Variants in PLCH2 observed in about 807,000 individuals in gnomAD.
The protein encoded by PLCH2 is 1-phosphatidylinositol 4,5-bisphosphate phosphodiesterase eta-2.
Under a neutral mutation model 134.7 loss-of-function variants are expected in PLCH2, and 98 were observed. The ratio of observed to expected loss-of-function variants is 0.73; its 90% CI spans 0.62 to 0.86. The LOEUF (loss-of-function observed/expected upper bound fraction) is 0.86. PLCH2 is among the 40% of genes least tolerant of loss of function. The pLI is 0.00. For missense variants in PLCH2, 1,994 were observed against 1,986.6 expected, an observed-to-expected ratio of 1.00 and a Z score of -0.07; for synonymous variants, 974 against 827.5, an observed-to-expected ratio of 1.18 and a Z score of -3.04.
intron 1 of PLCH2, among the ~76,000 whole-genome samples, chr1:2,478,104 C>T (rs1181123605): frequency 1.3e-5 from 2 of 152,220 alleles, no homozygotes; most frequent in Admixed American, 6.5e-5. Context: ...GCTCTCGGGG[C>T]CCCAGGCCCA....
upstream of PLCH2, among the ~76,000 whole-genome samples, chr1:2,464,064 G>A (rs1640946348): frequency 6.6e-6 from 1 of 152,254 alleles, no homozygotes; most frequent in Non-Finnish European, 1.5e-5. Context: ...CTGTGCGGTG[G>A]GATCGCTCGG....
Position 2,490,419 on chromosome 1 carries a change from C to T in PLCH2, c.1515+552C>T, listed in dbSNP as rs112280535. 8.3e-3 allele frequency among the ~76,000 whole-genome samples: 1,268 copies of T among 152,252 alleles called. 23 individuals are homozygous for T. The highest frequency in any genetic ancestry group is 0.028 in the African/African-American group (1,150 of 41,542). ...CCACAGAGCGCTGTCACTGTGTCCCCGCCAGGGCCAGGGTGGGGGGCTGCA... is the reference window on the plus strand; with the variant it reads ...CCACAGAGCGCTGTCACTGTGTCCCTGCCAGGGCCAGGGTGGGGGGCTGCA... On this transcript the variant is annotated intron_variant, in intron 10 of 21. Coordinates refer to ENST00000378486, the MANE Select transcript of PLCH2 (RefSeq NM_014638.4).
Position 2,499,209 on chromosome 1 carries a change from G to A in PLCH2, c.2560G>A (p.Ala854Thr), listed in dbSNP as rs1207632834. ...TGACTTCATTGGCCAGAGGACGCTG[G>A]CCTTCAGCAGCATGATGCCAGGTGG... is the stretch of plus-strand genomic sequence containing the variant. Reference protein sequence around the residue: ...GRDFIGQRTLAFSSMMPGYRH... With the variant: ...GRDFIGQRTLTFSSMMPGYRH... Residue 854 changes from alanine (A) to threonine (T), a missense_variant, in exon 19 of 22, where the codon GCC becomes ACC. Physicochemically the swap from Ala to Thr is moderately conservative, Grantham distance 58. Around this residue, in one of 2 missense-constraint regions of PLCH2, gnomAD observed 1,094 missense variants for 1,234.3 expected, o/e 0.89. Coordinates refer to ENST00000378486, the MANE Select transcript of PLCH2 (RefSeq NM_014638.4). 6.2e-7 allele frequency: 1 copy of A among 1,612,978 alleles called. No individual in the cohort carries two copies. The highest frequency in any genetic ancestry group is 8.5e-7 in the Non-Finnish European group (1 of 1,179,788).
At position 2,504,984 on chromosome 1, in the gene PLCH2, G is replaced by A. The variant is rs367668864; in HGVS notation, c.4022G>A (p.Arg1341His). The change falls in exon 22 of 22, where the codon CGC (arginine) becomes CAC (histidine). Residue 1341 changes from arginine to histidine, a missense_variant. Arg to His is a conservative substitution (Grantham distance 29). This residue lies in a region of PLCH2 where 900 missense variants were observed against 752.3 expected (regional missense o/e 1.20). Coordinates refer to ENST00000378486, the MANE Select transcript of PLCH2 (RefSeq NM_014638.4). ...GGTTTTGTGCGGCGCTCCTCCTCCC[G>A]CAGCCACAGCCGCGTGCGTGCCATT... ...GPGFVRRSSS[R>H]SHSRVRAIAS... The A allele has an allele frequency of 1.9e-5, 29 of 1,547,580 alleles. No individual in the cohort carries two copies. The African/African-American group carries it at 2.7e-4, about 15-fold the overall frequency.
At chr1:2,440,808 G>A (rs1639657531) in intron 2 of PLCH2, among the ~76,000 whole-genome samples, 1 of 152,254 alleles carries the variant, frequency 6.6e-6, no homozygotes, top group African/African-American at 2.4e-5. Context: ...CTTCGTGCAG[G>A]AGGCCAGGTT....
In PLCH2 at chr1:2,504,550, T is replaced by C. The variant is rs201365108; in HGVS notation, c.3588T>C (p.Pro1196=). The change falls in exon 22 of 22, where the codon CCT becomes CCC. Residue 1196 remains proline (P), a synonymous_variant. Coordinates refer to ENST00000378486, the MANE Select transcript of PLCH2 (RefSeq NM_014638.4). ...SASAARPDLP[P]VTKSKSNPNL... is the part of the protein sequence containing the mutation. Reference sequence around the variant, plus strand: ...CGGCTGCCCGCCCAGACCTGCCACCTGTGACCAAGAGCAAATCCAACCCCA... The same window carrying C: ...CGGCTGCCCGCCCAGACCTGCCACCCGTGACCAAGAGCAAATCCAACCCCA... 491 of 1,612,632 alleles carry C rather than the reference T, an allele frequency of 3.0e-4. 2 individuals carry two copies. The highest frequency in any genetic ancestry group is 7.3e-5 in the Non-Finnish European group (86 of 1,179,782).
Position 2,450,683 on chromosome 1 carries a change from TCTCCCCGCCTGCCCCCCCG to T in PLCH2, c.115+20072_115+20090del, listed in dbSNP as rs1640171891. ...CCCCCCTGCTCCCCGCCTACCCCCC[TCTCCCCGCCTGCCCCCCCG>T]CTCCCCGCCTGCCCCCCGCTCCCCG... On this transcript the variant is annotated intron_variant, in intron 2 of 3. Transcript: ENST00000609981. 3.5e-4 allele frequency among the ~76,000 whole-genome samples: 3 copies of T among 8,474 alleles called. 1 individual carries two copies. The highest frequency in any genetic ancestry group is 3.7e-3 in the East Asian group (1 of 270). The allele number at this position is 8,474 out of a possible 152,430, so 5.6% of individuals were successfully genotyped here. A position where few individuals can be genotyped will look rare whatever the true frequency, so the allele number is the denominator to read the frequency against.
At chr1:2,442,628 A>G (rs1639743654) in intron 2 of PLCH2, among the ~76,000 whole-genome samples, 1 of 152,196 alleles carries the variant, frequency 6.6e-6, no homozygotes, top group Non-Finnish European at 1.5e-5. Flanking sequence ...GACCCAAAGA[A>G]CAAAGTCCAG....
rs1231393639 is a variant in PLCH2 at position 2,499,140 on chromosome 1, G to A, written c.2491G>A (p.Ala831Thr). Residue 831 changes from alanine (A) to threonine (T), a missense_variant, in exon 19 of 22, where the codon GCG (alanine) becomes ACG (threonine). By Grantham distance (58) the Ala-to-Thr change is moderately conservative (BLOSUM62 0). This residue lies in a region of PLCH2 where 1,094 missense variants were observed against 1,234.3 expected (regional missense o/e 0.89). Transcript: ENST00000378486. The part of the protein sequence containing the change: ...LVFMVHMPEI[A>T]LVRFLVWDHD... Reference sequence around the variant, plus strand: ...TTTCATGGTGCACATGCCGGAGATCGCGCTGGTCCGCTTCCTCGTCTGGGA... The same window carrying A: ...TTTCATGGTGCACATGCCGGAGATCACGCTGGTCCGCTTCCTCGTCTGGGA... 3 of 1,612,986 alleles carry A rather than the reference G, an allele frequency of 1.9e-6. No individual in the cohort carries two copies. The highest frequency in any genetic ancestry group is 1.1e-5 in the South Asian group (1 of 90,954).
chr1:2,424,440 G>T (rs891612462), upstream of PLCH2, among the ~76,000 whole-genome samples: 2 of 152,184 alleles, frequency 1.3e-5, no homozygotes, highest in Non-Finnish European at 2.9e-5. Flanking sequence ...AGGTGTTTTA[G>T]ATTCTACATA....
chr1:2,486,540 G>A (rs553659028), intron 5 of PLCH2, among the ~76,000 whole-genome samples: 1 of 152,230 alleles, frequency 6.6e-6, no homozygotes, highest in East Asian at 1.9e-4. Context: ...TGGATGAGGG[G>A]GCTGCCTGTG....
In PLCH2 at chr1:2,503,922, A is replaced by G; in HGVS notation, c.2960A>G (p.Asp987Gly). 1.2e-6 allele frequency: 1 copy of G among 812,292 alleles called. No individual in the cohort carries two copies. Among genetic ancestry groups the G allele is most frequent in the Non-Finnish European group, 1.9e-6 (1 of 523,838 alleles). The allele number at this position is 812,292 out of a possible 1,614,324, so 50.3% of individuals were successfully genotyped here. A position where few individuals can be genotyped will look rare whatever the true frequency, so the allele number is the denominator to read the frequency against. ...QEGPGSGSPR[D>G]TRPLSTQRPL... ...CTCTCACTCCCCCACCTCCCCACAG[A>G]CACCCGCCCCCTCTCCACGCAGCGG... Residue 987 changes from aspartate to glycine, a missense_variant and splice_region_variant, in exon 22 of 22, where the codon GAC becomes GGC. This residue lies in a region of PLCH2 where 900 missense variants were observed against 752.3 expected (regional missense o/e 1.20). Coordinates refer to ENST00000378486, the MANE Select transcript of PLCH2 (RefSeq NM_014638.4).
upstream of PLCH2, among the ~76,000 whole-genome samples, chr1:2,423,798 A>C (rs929324303): frequency 1.3e-5 from 2 of 152,158 alleles, no homozygotes; most frequent in African/African-American, 4.8e-5. Context: ...AGTTAGGGGA[A>C]CTATGATCTT....
Position 2,505,480 on chromosome 1 carries a change from A to C in PLCH2, c.*267A>C. 1 of 504,854 alleles carries C rather than the reference A, an allele frequency of 2.0e-6. No individual in the cohort carries two copies. The highest frequency in any genetic ancestry group is 3.5e-6 in the Non-Finnish European group (1 of 288,386). 31.3% of individuals were successfully genotyped at this position (504,854 alleles called of 1,614,324 possible). On this transcript the variant is annotated 3_prime_UTR_variant, in exon 22 of 22. Coordinates refer to ENST00000378486, the MANE Select transcript of PLCH2 (RefSeq NM_014638.4). ...GATCTGTACATAGAGAAATATTTAA[A>C]TTTTTAGAAGCAAAACTTATACAAC...
chr1:2,464,820 G>C (rs1640981086), upstream of PLCH2, among the ~76,000 whole-genome samples: 1 of 152,224 alleles, frequency 6.6e-6, no homozygotes. Context: ...CGGACTCTGG[G>C]GTGGGCAGCA....
chr1:2,433,325 G>A (rs937534297), intron 2 of PLCH2, among the ~76,000 whole-genome samples: 1 of 152,208 alleles, frequency 6.6e-6, no homozygotes, highest in African/African-American at 2.4e-5. Flanking sequence ...CTGGTGGCCT[G>A]GCCTCCCTGG....
rs1437021056 is a variant in PLCH2 at position 2,502,155 on chromosome 1, C to G, written c.2705C>G (p.Pro902Arg). The change falls in exon 21 of 22, where the codon CCA (proline) becomes CGA (arginine). Residue 902 changes from proline (P) to arginine (R), a missense_variant. Pro to Arg is a moderately radical substitution (Grantham distance 103, BLOSUM62 -2). Around this residue, in one of 2 missense-constraint regions of PLCH2, gnomAD observed 900 missense variants for 752.3 expected, o/e 1.20. Coordinates refer to ENST00000378486, the MANE Select transcript of PLCH2 (RefSeq NM_014638.4). The stretch of plus-strand genomic sequence containing the variant: ...CTAAAAGGCCTCTTCCTCCGAGGCC[C>G]AAAGCCCGGCTCGCTGGACAGTCAT... ...LGLKGLFLRG[P>R]KPGSLDSHAA... 3.3e-6 allele frequency: 5 copies of G among 1,492,752 alleles called. No homozygotes were observed. The highest frequency in any genetic ancestry group is 3.6e-6 in the Non-Finnish European group (4 of 1,125,958). The allele number at this position is 1,492,752 out of a possible 1,614,324, so 92.5% of individuals were successfully genotyped here.
intron 1 of PLCH2, among the ~76,000 whole-genome samples, chr1:2,470,826 C>T (rs1641289636): frequency 6.6e-6 from 1 of 152,212 alleles, no homozygotes; most frequent in African/African-American, 2.4e-5. Flanking sequence ...GCTCCCCCAC[C>T]GTGGCTGCCA....
chr1:2,502,098 T>G lies in PLCH2; in HGVS notation c.2662-14T>G, dbSNP rs541892391. The G allele has an allele frequency of 6.3e-6, 9 of 1,427,464 alleles. No individual in the cohort carries two copies. In the South Asian group the frequency reaches 1.2e-4, roughly 19 times the overall value. 88.4% of individuals were successfully genotyped at this position (1,427,464 alleles called of 1,614,324 possible). ...GACCCCTGGCAACAGCTACATGGGC[T>G]CCTTCTCTTGCAGGTCAAGCAGGCT... is the stretch of plus-strand genomic sequence containing the variant. On this transcript the variant is annotated splice_polypyrimidine_tract_variant and intron_variant, in intron 20 of 21. Coordinates refer to ENST00000378486, the MANE Select transcript of PLCH2 (RefSeq NM_014638.4).
Sources: gnomAD v4.1 joint callset for allele counts (sites outside exome capture counted in the v4.1 genomes callset) on GRCh38, gnomAD v4.1.1 for gene constraint, gnomAD v4.1.1 regional missense constraint, MANE v1.5 for transcripts, NCBI Gene and HGNC (gene_info 2026-07-23, HGNC 2026-07-21) for gene names.